The following SLC25A17 variants were observed in gnomAD, a reference collection of about 807,000 sequenced individuals.
SLC25A17 encodes solute carrier family 25 member 17, also known as peroxisomal membrane protein PMP34.
A neutral mutation model predicts 38.5 loss-of-function variants in SLC25A17; 26 were observed. The observed-to-expected ratio is 0.68, with a 90% CI of 0.50 to 0.94. The LOEUF is 0.94. SLC25A17 is among the 40% of genes least tolerant of loss of function. The probability of loss-of-function intolerance (pLI) is 0.00; values close to 1 mark genes in which losing one functional copy is unlikely to be tolerated. For synonymous variants in SLC25A17, 139 were observed against 136.2 expected, an observed-to-expected ratio of 1.02 and a Z score of -0.14; for missense variants, 333 against 372.7, an observed-to-expected ratio of 0.89 and a Z score of 0.88.
chr22:40,810,042 A>G (rs1412263165), intron 1 of SLC25A17, among the ~76,000 whole-genome samples: 2 of 152,162 alleles, frequency 1.3e-5, no homozygotes, highest in African/African-American at 4.8e-5. Context: ...TGCAAAGTAT[A>G]TATCTGGTCC....
chr22:40,806,185 G>A (rs1163811716), intron 1 of SLC25A17, among the ~76,000 whole-genome samples: 2 of 152,184 alleles, frequency 1.3e-5, no homozygotes, highest in South Asian at 2.1e-4. Flanking sequence ...ATAGGCAGAG[G>A]CAGGGGGAAA....
intron 1 of SLC25A17, among the ~76,000 whole-genome samples, chr22:40,802,472 C>G (rs2057492184): frequency 6.6e-6 from 1 of 152,000 alleles, no homozygotes; most frequent in South Asian, 2.1e-4. Context: ...TGGTGAAACT[C>G]CCCCTCTACT....
At chr22:40,787,278 G>C (rs2057346958) in intron 4 of SLC25A17, among the ~76,000 whole-genome samples, 1 of 152,142 alleles carries the variant, frequency 6.6e-6, no homozygotes, top group Non-Finnish European at 1.5e-5. Flanking sequence ...ACATGGCTTG[G>C]TACAGTCAAA....
Position 40,770,720 on chromosome 22 carries a change from A to G in SLC25A17, c.*114T>C. The G allele has an allele frequency of 1.7e-6, 2 of 1,148,868 alleles. No individual in the cohort carries two copies. The highest frequency in any genetic ancestry group is 2.4e-6 in the Non-Finnish European group (2 of 835,438). 71.2% of individuals were successfully genotyped at this position (1,148,868 alleles called of 1,614,324 possible). A position where few individuals can be genotyped will look rare whatever the true frequency, so the allele number is the denominator to read the frequency against. On this transcript the variant is annotated 3_prime_UTR_variant, in exon 9 of 9. Transcript: ENST00000435456. ...TGCACCCTTGGATGCTTTTCAAGCC[A>G]ATGAGGGTAACATTTGTGGTGGCAG...
chr22:40,809,505 G>A (rs959188084), intron 1 of SLC25A17, among the ~76,000 whole-genome samples: 3 of 151,534 alleles, frequency 2.0e-5, no homozygotes, highest in Admixed American at 6.6e-5. Flanking sequence ...GGTGGTGCAC[G>A]CCTGTAATCC....
chr22:40,776,007 C>T (rs1014872574), intron 7 of SLC25A17, among the ~76,000 whole-genome samples: 3 of 152,202 alleles, frequency 2.0e-5, no homozygotes, highest in African/African-American at 7.2e-5. Flanking sequence ...AATGCACTTT[C>T]GTCCACTCTG....
intron 1 of SLC25A17, among the ~76,000 whole-genome samples, chr22:40,813,492 C>T (rs142404551): frequency 3.3e-4 from 50 of 152,140 alleles, no homozygotes; most frequent in African/African-American, 1.1e-3. Flanking sequence ...AAGCCGAGAT[C>T]GTGCCACCGC....
rs945032105 is a variant in SLC25A17, at chr22:40,773,282, C to T, written c.776+655G>A. Among the ~76,000 whole-genome samples, 11 of 151,902 alleles carry T rather than the reference C, an allele frequency of 7.2e-5. No individual in the cohort carries two copies. The East Asian group carries it at 1.4e-3, about 19-fold the overall frequency. On this transcript the variant is annotated intron_variant, in intron 8 of 8. Transcript: ENST00000435456. Reference sequence around the variant, plus strand: ...AAAATGAGCCAGGCGTGGTGGCAGGCGCCTGTAGTCCCAGCTACTTGGGAG... The same window carrying T: ...AAAATGAGCCAGGCGTGGTGGCAGGTGCCTGTAGTCCCAGCTACTTGGGAG...
At chr22:40,807,238 A>G (rs1215352847) in intron 1 of SLC25A17, among the ~76,000 whole-genome samples, 1 of 152,214 alleles carries the variant, frequency 6.6e-6, no homozygotes, top group African/African-American at 2.4e-5. Flanking sequence ...TGTATGAATT[A>G]TATCTCAATT....
chr22:40,771,102 T>C, intron 8 of SLC25A17, 121 bp from the exon 9 acceptor site: 1 of 880,098 alleles, frequency 1.1e-6, no homozygotes, highest in Non-Finnish European at 1.6e-6. Flanking sequence ...CAGACTTCTG[T>C]TGTCAAAGTA....
chr22:40,778,189 A>G (rs1651656960), intron 5 of SLC25A17, among the ~76,000 whole-genome samples: 1 of 152,220 alleles, frequency 6.6e-6, no homozygotes, highest in Admixed American at 6.5e-5. Flanking sequence ...CTATCCAAAG[A>G]CAACACTAGA....
chr22:40,781,787 T>C (rs567463461), intron 4 of SLC25A17, among the ~76,000 whole-genome samples: 1 of 152,122 alleles, frequency 6.6e-6, no homozygotes, highest in African/African-American at 2.4e-5. Flanking sequence ...TACTAAAACT[T>C]GCAACCTATA....
chr22:40,791,911 G>T (rs554665148), intron 4 of SLC25A17, among the ~76,000 whole-genome samples: 1 of 152,148 alleles, frequency 6.6e-6, no homozygotes, highest in Non-Finnish European at 1.5e-5. Flanking sequence ...TGGAAAGCAG[G>T]CTCTCAAAGA....
chr22:40,796,084 C>T (rs959252966), intron 2 of SLC25A17, among the ~76,000 whole-genome samples: 2 of 152,080 alleles, frequency 1.3e-5, no homozygotes, highest in East Asian at 1.9e-4. Flanking sequence ...CCACCACACC[C>T]GGCCTAAAAT....
chr22:40,801,130 TA>T (rs2057478772), intron 1 of SLC25A17, among the ~76,000 whole-genome samples: 4 of 19,380 alleles, frequency 2.1e-4, no homozygotes, highest in African/African-American at 8.1e-4. Context: ...ATATATTACA[TA>T]TATATATATA....
intron 2 of SLC25A17, among the ~76,000 whole-genome samples, chr22:40,796,838 AT>A (rs1355601966): frequency 1.3e-5 from 2 of 152,214 alleles, no homozygotes; most frequent in Non-Finnish European, 2.9e-5. Flanking sequence ...GTTATGGTGC[AT>A]TCACACCATG....
chr22:40,801,297 T>C (rs1416637422), intron 1 of SLC25A17, among the ~76,000 whole-genome samples: 2 of 151,620 alleles, frequency 1.3e-5, no homozygotes, highest in Non-Finnish European at 2.9e-5. Context: ...TCAAAACACA[T>C]ATTGTTACCT....
At chr22:40,795,172 C>T (rs963543888) in intron 2 of SLC25A17, among the ~76,000 whole-genome samples, 1 of 152,204 alleles carries the variant, frequency 6.6e-6, no homozygotes, top group Admixed American at 6.5e-5. Context: ...AATGATGCCC[C>T]TGTGTGACCA....
chr22:40,814,337 T>C (rs1055522147), intron 1 of SLC25A17, among the ~76,000 whole-genome samples: 3 of 152,198 alleles, frequency 2.0e-5, no homozygotes, highest in African/African-American at 7.2e-5. Flanking sequence ...CACACTGCCA[T>C]GATGAAACCA....
Sources: allele counts gnomAD v4.1 joint callset (sites outside exome capture counted in the v4.1 genomes callset), GRCh38; gene constraint gnomAD v4.1.1; transcripts MANE v1.5; gene names NCBI Gene and HGNC (gene_info 2026-07-23, HGNC 2026-07-21).